The following GALNT13 variants were observed in gnomAD, a reference collection of about 807,000 sequenced individuals.
GALNT13 encodes polypeptide N-acetylgalactosaminyltransferase 13, also known as UDP-GalNAc:polypeptide N-acetylgalactosaminyltransferase 13.
A neutral mutation model predicts 64.2 loss-of-function variants in GALNT13; 28 were observed. That is an observed-to-expected ratio of 0.44 (90% CI 0.32 to 0.60). The LOEUF is 0.60. Among genes scored for constraint, GALNT13 ranks in the 20% least tolerant of loss-of-function variants. GALNT13 has a pLI of 0.05. For synonymous variants in GALNT13, 214 were observed against 224.6 expected (o/e 0.95, Z 0.42); for missense variants, 577 against 669.8 (o/e 0.86, Z 1.53).
At chr2:153,998,474 A>G (rs1251947400) in intron 3 of GALNT13, among the ~76,000 whole-genome samples, 1 of 152,114 alleles carries the variant, frequency 6.6e-6, no homozygotes, top group Non-Finnish European at 1.5e-5. Flanking sequence ...TCCTTCGCCC[A>G]CTTTTTTGAT....
At chr2:153,275,962 T>C in the GALNT13 span, among the ~76,000 whole-genome samples, 1 of 152,208 alleles carries the variant, frequency 6.6e-6, no homozygotes, top group African/African-American at 2.4e-5. Flanking sequence ...ACACAGTTTA[T>C]TATTTTTTAA....
the GALNT13 span, among the ~76,000 whole-genome samples, chr2:153,260,275 C>T: frequency 1.8e-3 from 280 of 152,236 alleles, 2 homozygotes; most frequent in African/African-American, 5.7e-3. Context: ...ATTCTGCATA[C>T]GTACCATTAC....
At chr2:154,275,775 C>T (rs573747933) in intron 8 of GALNT13, among the ~76,000 whole-genome samples, 2 of 152,300 alleles carry the variant, frequency 1.3e-5, no homozygotes, top group Admixed American at 6.5e-5. Flanking sequence ...CCACCAACAG[C>T]TTGCACTGTG....
intron 9 of GALNT13, among the ~76,000 whole-genome samples, chr2:154,337,858 T>G (rs1229432761): frequency 1.3e-5 from 2 of 152,028 alleles, no homozygotes; most frequent in South Asian, 2.1e-4. Flanking sequence ...AAGAATGTTG[T>G]CGGTGGTTGG....
At chr2:153,878,952 A>G (rs1686581989) in intron 1 of GALNT13, among the ~76,000 whole-genome samples, 1 of 152,140 alleles carries the variant, frequency 6.6e-6, no homozygotes, top group Non-Finnish European at 1.5e-5. Flanking sequence ...GTAAATCCAA[A>G]TTACCTTGAG....
the GALNT13 span, among the ~76,000 whole-genome samples, chr2:153,201,973 CTTTTTTTTTT>C: frequency 2.8e-5 from 3 of 108,896 alleles, no homozygotes; most frequent in East Asian, 7.6e-4. Context: ...CCACCCATTT[CTTTTTTTTTT>C]TTTTTTTTTT....
the GALNT13 span, among the ~76,000 whole-genome samples, chr2:153,732,382 G>T: frequency 6.6e-6 from 1 of 151,956 alleles, no homozygotes; most frequent in African/African-American, 2.4e-5. Context: ...AATATTAAAA[G>T]AATATGAACA....
At chr2:153,585,804 G>T in the GALNT13 span, among the ~76,000 whole-genome samples, 1 of 152,016 alleles carries the variant, frequency 6.6e-6, no homozygotes, top group Non-Finnish European at 1.5e-5. Flanking sequence ...AAAAAAACAG[G>T]CAAGGATTCT....
At chr2:153,588,614 C>T in the GALNT13 span, among the ~76,000 whole-genome samples, 4 of 152,200 alleles carry the variant, frequency 2.6e-5, no homozygotes, top group Admixed American at 6.5e-5. Flanking sequence ...TCCTAGGCCT[C>T]CAGGCCTGTG....
At chr2:154,456,009 T>C (rs1042668419), downstream of GALNT13, among the ~76,000 whole-genome samples, 1 of 152,174 alleles carries the variant, frequency 6.6e-6, no homozygotes, top group Non-Finnish European at 1.5e-5. Flanking sequence ...ATAATGTTTT[T>C]TAAAAATGAG....
At chr2:154,154,444 G>A (rs1481542122) in intron 4 of GALNT13, among the ~76,000 whole-genome samples, 2 of 152,112 alleles carry the variant, frequency 1.3e-5, no homozygotes, top group African/African-American at 2.4e-5. Flanking sequence ...TGTGATAATA[G>A]TCAACAAGGA....
the GALNT13 span, among the ~76,000 whole-genome samples, chr2:153,620,581 A>G: frequency 6.6e-6 from 1 of 151,770 alleles, no homozygotes; most frequent in African/African-American, 2.4e-5. Context: ...TGCCAATTGT[A>G]TTTTTTAGCT....
chr2:153,143,898 T>G, the GALNT13 span, among the ~76,000 whole-genome samples: 5 of 152,008 alleles, frequency 3.3e-5, no homozygotes, highest in Non-Finnish European at 5.9e-5. Context: ...TTTTCTGCCC[T>G]CAGCGTATCT....
intron 9 of GALNT13, among the ~76,000 whole-genome samples, chr2:154,378,954 A>G (rs946325579): frequency 2.6e-5 from 4 of 152,110 alleles, no homozygotes; most frequent in Non-Finnish European, 5.9e-5. Context: ...AAAATTTGAT[A>G]AACTGTGACT....
At chr2:153,682,448 C>T in the GALNT13 span, among the ~76,000 whole-genome samples, 1 of 151,644 alleles carries the variant, frequency 6.6e-6, no homozygotes, top group South Asian at 2.1e-4. Flanking sequence ...CTCAGGCTTC[C>T]AACTGTTTAC....
chr2:154,232,143 T>C (rs1473412722), intron 4 of GALNT13, among the ~76,000 whole-genome samples: 1 of 152,120 alleles, frequency 6.6e-6, no homozygotes, highest in East Asian at 1.9e-4. Flanking sequence ...TGCTGAAATG[T>C]AATTGGTGAG....
chr2:153,365,391 G>A, the GALNT13 span, among the ~76,000 whole-genome samples: 1 of 152,134 alleles, frequency 6.6e-6, no homozygotes, highest in Non-Finnish European at 1.5e-5. Flanking sequence ...ATTGACAAAT[G>A]GGATCTAATC....
the GALNT13 span, among the ~76,000 whole-genome samples, chr2:153,727,054 C>T: frequency 1.3e-5 from 2 of 151,672 alleles, no homozygotes; most frequent in East Asian, 3.9e-4. Flanking sequence ...TGAAATCACA[C>T]AATCATAACT....
At chr2:153,233,188 T>C in the GALNT13 span, among the ~76,000 whole-genome samples, 1 of 152,190 alleles carries the variant, frequency 6.6e-6, no homozygotes, top group Non-Finnish European at 1.5e-5. Flanking sequence ...TTTGCCTTCC[T>C]TGAAAAATAA....
Sources: gnomAD v4.1 joint callset for allele counts (sites outside exome capture counted in the v4.1 genomes callset) on GRCh38, gnomAD v4.1.1 for gene constraint, MANE v1.5 for transcripts, NCBI Gene and HGNC (gene_info 2026-07-23, HGNC 2026-07-21) for gene names.